The following TRIP11 variants were observed in gnomAD, a reference collection of about 807,000 sequenced individuals.
TRIP11 encodes the protein thyroid hormone receptor interactor 11, also known as thyroid receptor-interacting protein 11.
TRIP11 carries 148 observed loss-of-function variants against 223.1 expected under a neutral mutation model. The ratio of observed to expected loss-of-function variants is 0.66; its 90% CI spans 0.58 to 0.76. The LOEUF is 0.76. Among genes scored for constraint, TRIP11 ranks in the 30% least tolerant of loss-of-function variants. The pLI is 0.00. For synonymous variants in TRIP11, 762 were observed against 772.6 expected (o/e 0.99, Z 0.23); for missense variants, 2,043 against 2,222.0 (o/e 0.92, Z 1.62).
At chr14:91,972,243 T>TTA (rs978297329) in intron 20 of TRIP11, among the ~76,000 whole-genome samples, 2 of 152,224 alleles carry the variant, frequency 1.3e-5, no homozygotes, top group African/African-American at 4.8e-5. Flanking sequence ...TAAACTGCGC[T>TTA]TATATATATT....
At chr14:91,991,703 C>A (rs1333117156) in intron 15 of TRIP11, among the ~76,000 whole-genome samples, 1 of 152,058 alleles carries the variant, frequency 6.6e-6, no homozygotes, top group African/African-American at 2.4e-5. Flanking sequence ...GCAATGCATA[C>A]AGAAGTGAAA....
chr14:92,003,890 T>C lies in TRIP11; in HGVS notation c.4086A>G (p.Thr1362=), dbSNP rs747928602. The stretch of plus-strand genomic sequence containing the variant: ...GGTTATTTTCCTGGAGAGTTCTAAT[T>C]GTTGCATCTTTTTCCTGTAGTGATT... ...LRKSLQEKDA[T]IRTLQENNHR... is the part of the protein sequence containing the mutation. Residue 1362 remains threonine, a synonymous_variant, in exon 11 of 21, where the codon ACA becomes ACG. Transcript: ENST00000267622. 1.2e-6 allele frequency: 2 copies of C among 1,614,084 alleles called. No individual in the cohort carries two copies. The highest frequency in any genetic ancestry group is 1.1e-5 in the South Asian group (1 of 91,080).
rs1027872105 is a variant in TRIP11, at chr14:92,014,646, A to G, written c.824-69T>C. On this transcript the variant is annotated intron_variant, in intron 6 of 20. Coordinates refer to ENST00000267622, the MANE Select transcript of TRIP11 (RefSeq NM_004239.4). ...AAGAAATAAACGGTTTGCTATATAC[A>G]ACTAAGAGATATAAGACAGTTCAGA... 9.3e-6 allele frequency: 14 copies of G among 1,504,190 alleles called. No individual in the cohort carries two copies. The African/African-American group carries it at 1.8e-4, about 20-fold the overall frequency. 93.2% of individuals were successfully genotyped at this position (1,504,190 alleles called of 1,614,324 possible).
At chr14:92,034,424 C>CAA (rs34612555) in intron 1 of TRIP11, among the ~76,000 whole-genome samples, 66 of 133,374 alleles carry the variant, frequency 4.9e-4, no homozygotes, top group Middle Eastern at 8.5e-3. Flanking sequence ...CTCTTGTCTC[C>CAA]AAAAAAAAAA....
At chr14:91,988,508 G>C in intron 15 of TRIP11, 125 bp from the exon 16 acceptor site, 1 of 774,244 alleles carries the variant, frequency 1.3e-6, no homozygotes, top group Non-Finnish European at 2.2e-6. Context: ...ATGACCTTGG[G>C]CAAATGTATC....
In TRIP11 at chr14:92,039,882, G is replaced by T; in HGVS notation, c.-197C>A. On this transcript the variant is annotated 5_prime_UTR_variant, in exon 1 of 21. Coordinates refer to ENST00000267622, the MANE Select transcript of TRIP11 (RefSeq NM_004239.4). ...GGCCTGGCCTGGAATTTTACCAGGG[G>T]CCCGCCTCTAGTGACACAGTCACCT... The T allele has an allele frequency of 9.0e-7, 1 of 1,105,622 alleles. No individual in the cohort carries two copies. The highest frequency in any genetic ancestry group is 1.3e-6 in the Non-Finnish European group (1 of 785,002). The allele number at this position is 1,105,622 out of a possible 1,614,324, so 68.5% of individuals were successfully genotyped here.
rs1329857888 is a variant in TRIP11, at chr14:92,037,280, A to G, written c.139+2267T>C. Among the ~76,000 whole-genome samples the G allele has an allele frequency of 6.6e-6, 1 of 152,238 alleles. No individual in the cohort carries two copies. Among genetic ancestry groups the G allele is most frequent in the Non-Finnish European group, 1.5e-5 (1 of 68,044 alleles). ...GATAAATTATAACTCAACATGTTAA[A>G]TGCTGTCAGGGAGAGATCCACAAAG... On this transcript the variant is annotated intron_variant, in intron 1 of 20. Transcript: ENST00000267622. This position sits in a 1 kb window ranked among gnomAD's most constrained non-coding sequence, Gnocchi z 4.2.
At position 92,014,090 on chromosome 14, in the gene TRIP11, G is replaced by A. The variant is rs1280051495; in HGVS notation, c.1186+125C>T. 3.7e-6 allele frequency: 5 copies of A among 1,342,996 alleles called. No homozygotes were observed. The East Asian group carries it at 1.2e-4, about 33-fold the overall frequency. 83.2% of individuals were successfully genotyped at this position (1,342,996 alleles called of 1,614,324 possible). ...CCAAACCACACAATTCTACCCAAAT[G>A]ACACACAGTCATTTCCAGGAATATG... On this transcript the variant is annotated intron_variant, in intron 7 of 20. Transcript: ENST00000267622.
rs144722110 is a variant in TRIP11, at chr14:92,004,106, T to C, written c.3870A>G (p.Gln1290=). The C allele has an allele frequency of 6.2e-7, 1 of 1,614,216 alleles. No individual in the cohort carries two copies. Among genetic ancestry groups the C allele is most frequent in the Non-Finnish European group, 8.5e-7 (1 of 1,180,024 alleles). Residue 1290 remains glutamine, a synonymous_variant, in exon 11 of 21, where the codon CAA becomes CAG. Coordinates refer to ENST00000267622, the MANE Select transcript of TRIP11 (RefSeq NM_004239.4). ...KLKNFGQELA[Q]VQHSIGQLCN... is the part of the protein sequence containing the mutation. ...AAAGCTGCCCAATGCTGTGCTGAACTTGTGCTAATTCCTGCCCAAAATTTT... is the reference window on the plus strand; with the variant it reads ...AAAGCTGCCCAATGCTGTGCTGAACCTGTGCTAATTCCTGCCCAAAATTTT...
At chr14:92,013,704 T>C (rs2057001915) in intron 7 of TRIP11, among the ~76,000 whole-genome samples, 1 of 151,960 alleles carries the variant, frequency 6.6e-6, no homozygotes, top group Non-Finnish European at 1.5e-5. Flanking sequence ...AGTAAATTTA[T>C]TTTTTAAATA....
chr14:91,991,239 C>T (rs187769937), intron 15 of TRIP11, among the ~76,000 whole-genome samples: 6 of 152,262 alleles, frequency 3.9e-5, no homozygotes, highest in Admixed American at 3.9e-4. Flanking sequence ...TTGGCTCCCT[C>T]TTGTTCTCTC....
At position 91,972,767 on chromosome 14, in the gene TRIP11, T is replaced by G. The variant is rs747582643; in HGVS notation, c.5669A>C (p.Asp1890Ala). 3 of 1,613,064 alleles carry G rather than the reference T, an allele frequency of 1.9e-6. No homozygotes were observed. Among genetic ancestry groups the G allele is most frequent in the Admixed American group, 3.3e-5 (2 of 59,992 alleles). Residue 1890 changes from aspartate (D) to alanine (A), a missense_variant, in exon 20 of 21, where the codon GAT (aspartate) becomes GCT (alanine). Physicochemically the swap from Asp to Ala is moderately radical, Grantham distance 126. Transcript: ENST00000267622. ...ATCTCTTTTTCTTCTTCCTGGTGAA[T>G]CCAGAGGTTTCATATCATGAACAGA... ...KLSVHDMKPLDSPGRRKRDTN... is the reference protein window; with the variant it reads ...KLSVHDMKPLASPGRRKRDTN...
At position 91,969,588 on chromosome 14, in the gene TRIP11, C is replaced by T. The variant is rs2056375563; in HGVS notation, c.*85G>A. On this transcript the variant is annotated 3_prime_UTR_variant, in exon 21 of 21. Coordinates refer to ENST00000267622, the MANE Select transcript of TRIP11 (RefSeq NM_004239.4). ...TGCGAACAAATACATGACTTTCTCC[C>T]CAAAGGCCACTTTGTGATAAAGTAC... The T allele has an allele frequency of 7.2e-7, 1 of 1,381,986 alleles. No homozygotes were observed. The highest frequency in any genetic ancestry group is 1.2e-5 in the South Asian group (1 of 85,162). The allele number at this position is 1,381,986 out of a possible 1,614,324, so 85.6% of individuals were successfully genotyped here.
rs761771580 is a variant in TRIP11, at chr14:91,969,029, T to C, written c.*644A>G. Reference sequence around the variant, plus strand: ...TGGGAGGCTGAGGTGGGAGGATCACTTGAGCCCAGGAGTTTGAGGCCAGCC... The same window carrying C: ...TGGGAGGCTGAGGTGGGAGGATCACCTGAGCCCAGGAGTTTGAGGCCAGCC... On this transcript the variant is annotated 3_prime_UTR_variant, in exon 21 of 21. Transcript: ENST00000267622. 4.1e-4 allele frequency: 91 copies of C among 220,808 alleles called. 1 individual carries two copies. The highest frequency in any genetic ancestry group is 1.6e-3 in the African/African-American group (72 of 44,764). The allele number at this position is 220,808 out of a possible 1,614,324, so 13.7% of individuals were successfully genotyped here.
Position 92,005,248 on chromosome 14 carries a change from C to T in TRIP11, c.2728G>A (p.Glu910Lys). 6.2e-7 allele frequency: 1 copy of T among 1,614,152 alleles called. No individual in the cohort carries two copies. Among genetic ancestry groups the T allele is most frequent in the South Asian group, 1.1e-5 (1 of 91,076 alleles). Residue 910 changes from glutamate (E) to lysine (K), a missense_variant, in exon 11 of 21, where the codon GAG (glutamate) becomes AAG (lysine). Physicochemically the swap from Glu to Lys is moderately conservative, Grantham distance 56. Transcript: ENST00000267622. ...ATCTTTTGATGATGTTTAATTTCCT[C>T]TTCAAGATGTTCCTTGATCGTGTTC... is the stretch of plus-strand genomic sequence containing the variant. Reference protein sequence around the residue: ...QLNTIKEHLEEEIKHHQKIIE... With the variant: ...QLNTIKEHLEKEIKHHQKIIE...
At chr14:92,024,235 A>G (rs1358589988) in intron 3 of TRIP11, among the ~76,000 whole-genome samples, 1 of 152,052 alleles carries the variant, frequency 6.6e-6, no homozygotes, top group Non-Finnish European at 1.5e-5. Flanking sequence ...AAAATTAGCC[A>G]GGCGTGGTAG....
rs1278198618 is a variant in TRIP11 at position 92,003,556 on chromosome 14, C to T, written c.4420G>A (p.Gly1474Arg). ...AACGCTTGATATTCTGTTTCCTTTCCCCTGTATGTTTCCACTATTTTTTCA... is the reference window on the plus strand; with the variant it reads ...AACGCTTGATATTCTGTTTCCTTTCTCCTGTATGTTTCCACTATTTTTTCA... Reference protein sequence around the residue: ...ENEKIVETYRGKETEYQALQE... With the variant: ...ENEKIVETYRRKETEYQALQE... The change falls in exon 11 of 21, where the codon GGA becomes AGA. Residue 1474 changes from glycine (G) to arginine (R), a missense_variant. Physicochemically the swap from Gly to Arg is moderately radical, Grantham distance 125. Coordinates refer to ENST00000267622, the MANE Select transcript of TRIP11 (RefSeq NM_004239.4). The T allele has an allele frequency of 1.2e-6, 2 of 1,614,094 alleles. No homozygotes were observed. Among genetic ancestry groups the T allele is most frequent in the Non-Finnish European group, 1.7e-6 (2 of 1,180,004 alleles).
chr14:91,979,017 G>A (rs752489511), intron 16 of TRIP11, among the ~76,000 whole-genome samples: 3 of 152,102 alleles, frequency 2.0e-5, no homozygotes, highest in Admixed American at 6.6e-5. Context: ...AGTGCTTTGC[G>A]AGGCCGAGGT....
At position 92,005,760 on chromosome 14, in the gene TRIP11, T is replaced by A; in HGVS notation, c.2216A>T (p.Tyr739Phe). The A allele has an allele frequency of 1.2e-6, 2 of 1,614,096 alleles. No homozygotes were observed. The highest frequency in any genetic ancestry group is 8.5e-7 in the Non-Finnish European group (1 of 1,180,018). Residue 739 changes from tyrosine (Y) to phenylalanine (F), a missense_variant, in exon 11 of 21, where the codon TAT becomes TTT. By Grantham distance (22) the Tyr-to-Phe change is conservative. Transcript: ENST00000267622. The stretch of plus-strand genomic sequence containing the variant: ...TGACAGTTCTTCAATGGTTTTCTCA[T>A]ACTTGTTTGCTTCTTCCAACAGCCT... ...KKRLLEEANK[Y>F]EKTIEELSNA...
Sources: gnomAD v4.1 joint callset for allele counts (sites outside exome capture counted in the v4.1 genomes callset) on GRCh38, gnomAD v4.1.1 for gene constraint, Gnocchi (gnomAD v3.1) non-coding constraint, MANE v1.5 for transcripts, NCBI Gene and HGNC (gene_info 2026-07-23, HGNC 2026-07-21) for gene names.